GPD2: variants seen among roughly 807,000 people sequenced by gnomAD.
GPD2 encodes the protein glycerol-3-phosphate dehydrogenase 2.
In GPD2, 54 loss-of-function variants were observed where a neutral mutation model predicts 82.4. The ratio of observed to expected loss-of-function variants is 0.66; its 90% CI spans 0.53 to 0.82. The LOEUF is 0.82. Ranked by LOEUF, GPD2 falls within the 40% of genes least tolerant of loss-of-function variation. The probability of loss-of-function intolerance (pLI) is 0.00; values close to 1 mark genes in which losing one functional copy is unlikely to be tolerated. For missense variants in GPD2, 748 were observed against 896.2 expected (o/e 0.83, Z 2.11); for synonymous variants, 288 against 306.1 (o/e 0.94, Z 0.62).
At chr2:156,559,888 G>A (rs534633880) in intron 9 of GPD2, among the ~76,000 whole-genome samples, 2 of 152,034 alleles carry the variant, frequency 1.3e-5, no homozygotes, top group Admixed American at 1.3e-4. Flanking sequence ...TTGTGTTCTA[G>A]GAGGAGCTTC....
intron 6 of GPD2, among the ~76,000 whole-genome samples, chr2:156,529,952 G>C (rs1685781856): frequency 6.6e-6 from 1 of 152,064 alleles, no homozygotes; most frequent in Non-Finnish European, 1.5e-5. Context: ...GAACTTTAAA[G>C]TACTATTTTC....
At chr2:156,500,003 A>G (rs974314767) in intron 3 of GPD2, among the ~76,000 whole-genome samples, 6 of 152,082 alleles carry the variant, frequency 3.9e-5, no homozygotes, top group Non-Finnish European at 8.8e-5. Flanking sequence ...ATTAGCTAGT[A>G]TATTAGCAGA....
At position 156,493,958 on chromosome 2, in the gene GPD2, G is replaced by GTGTGTGTGTGTGTGTGTA. The variant is rs60643688; in HGVS notation, c.103-2085_103-2084insGTGTGTGTGTGTGTGTAT. 2.2e-3 allele frequency among the ~76,000 whole-genome samples: 320 copies of GTGTGTGTGTGTGTGTGTA among 143,502 alleles called. 2 individuals are homozygous for GTGTGTGTGTGTGTGTGTA. Among genetic ancestry groups the GTGTGTGTGTGTGTGTGTA allele is most frequent in the South Asian group, 4.8e-3 (21 of 4,344 alleles). The allele number at this position is 143,502 out of a possible 152,430, so 94.1% of individuals were successfully genotyped here. A position where few individuals can be genotyped will look rare whatever the true frequency, so the allele number is the denominator to read the frequency against. ...TGTGTGTGTGTGTGTGTGTGTGTGT[G>GTGTGTGTGTGTGTGTGTA]TATAATTTTTTTCCTCATTAGATGG... On this transcript the variant is annotated intron_variant, in intron 2 of 16. Coordinates refer to ENST00000438166, the MANE Select transcript of GPD2 (RefSeq NM_000408.5).
chr2:156,457,157 G>A (rs1682815225), intron 1 of GPD2, among the ~76,000 whole-genome samples: 1 of 152,136 alleles, frequency 6.6e-6, no homozygotes, highest in African/African-American at 2.4e-5. Flanking sequence ...GGTGTCCAGA[G>A]TTTGTGACAG....
chr2:156,509,784 T>TTTTTTTTTTA (rs1553471067), intron 3 of GPD2, among the ~76,000 whole-genome samples: 4 of 146,880 alleles, frequency 2.7e-5, no homozygotes, highest in African/African-American at 7.7e-5. Flanking sequence ...TTTTTTTTTT[T>TTTTTTTTTTA]ATTTCCTGAG....
At chr2:156,498,592 G>A (rs1488381009) in intron 3 of GPD2, among the ~76,000 whole-genome samples, 1 of 152,138 alleles carries the variant, frequency 6.6e-6, no homozygotes, top group African/African-American at 2.4e-5. Flanking sequence ...AGAGTGGAAA[G>A]GCAGGGCTGG....
At chr2:156,467,620 T>G (rs1683193116) in intron 1 of GPD2, among the ~76,000 whole-genome samples, 2 of 152,226 alleles carry the variant, frequency 1.3e-5, no homozygotes, top group African/African-American at 4.8e-5. Flanking sequence ...GTCTTCTGTT[T>G]TCTTAGGACT....
Position 156,584,523 on chromosome 2 carries a change from C to G in GPD2, c.*1605C>G, listed in dbSNP as rs893123716. ...CACTCACCTACGCACTCACCCACCACCTCTGAAAGAAACAGAAACTGCAGA... is the reference window on the plus strand; with the variant it reads ...CACTCACCTACGCACTCACCCACCAGCTCTGAAAGAAACAGAAACTGCAGA... On this transcript the variant is annotated 3_prime_UTR_variant, in exon 17 of 17. Coordinates refer to ENST00000438166, the MANE Select transcript of GPD2 (RefSeq NM_000408.5). 5 of 152,402 alleles carry G rather than the reference C, an allele frequency of 3.3e-5. No individual in the cohort carries two copies. The highest frequency in any genetic ancestry group is 1.2e-4 in the African/African-American group (5 of 41,402). The allele number at this position is 152,402 out of a possible 1,614,324, so 9.4% of individuals were successfully genotyped here. A position where few individuals can be genotyped will look rare whatever the true frequency, so the allele number is the denominator to read the frequency against.
chr2:156,513,569 A>G, intron 6 of GPD2, 73 bp downstream of exon 6: 1 of 1,190,270 alleles, frequency 8.4e-7, no homozygotes. Flanking sequence ...GTGTATTCTT[A>G]AGGAGATAGT....
chr2:156,492,147 C>CT (rs770947790), intron 2 of GPD2, among the ~76,000 whole-genome samples: 19,012 of 75,554 alleles, frequency 0.25, 4,284 homozygotes, highest in East Asian at 0.49. Context: ...CCCTCCCTAC[C>CT]TTTTTTTTTT....
intron 6 of GPD2, among the ~76,000 whole-genome samples, chr2:156,533,448 G>C (rs575811410): frequency 1.3e-5 from 2 of 152,224 alleles, no homozygotes; most frequent in African/African-American, 4.8e-5. Context: ...ACCAGCCTGC[G>C]TCTCACCATT....
At position 156,550,653 on chromosome 2, in the gene GPD2, TCACGGAC is replaced by T. The variant is rs1212400036; in HGVS notation, c.879_885del (p.Thr294LeufsTer23). 9 of 1,613,884 alleles carry T rather than the reference TCACGGAC, an allele frequency of 5.6e-6. No individual in the cohort carries two copies. Among genetic ancestry groups the T allele is most frequent in the Non-Finnish European group, 7.6e-6 (9 of 1,179,892 alleles). Reference sequence around the variant, plus strand: ...TGTGTTATCAATGCCACGGGACCTTTCACGGACTCTGTGCGCAAAATGGATGATAAAG... The same window carrying T: ...TGTGTTATCAATGCCACGGGACCTTTTCTGTGCGCAAAATGGATGATAAAG... On this transcript the variant is annotated frameshift_variant, in exon 8 of 17. Coordinates refer to ENST00000438166, the MANE Select transcript of GPD2 (RefSeq NM_000408.5). LOFTEE classifies it high-confidence loss of function.
At chr2:156,402,257 C>T in the GPD2 span, among the ~76,000 whole-genome samples, 149 of 152,194 alleles carry the variant, frequency 9.8e-4, 1 homozygote, top group Non-Finnish European at 1.8e-3. Context: ...TAAGAATAAT[C>T]GAATGGTGTT....
intron 6 of GPD2, among the ~76,000 whole-genome samples, chr2:156,541,824 G>GTGT (rs1553475231): frequency 9.8e-5 from 8 of 81,460 alleles, no homozygotes; most frequent in South Asian, 9.4e-4. Flanking sequence ...AATGCTGTTT[G>GTGT]TTTTTTTTTT....
chr2:156,411,597 G>A, the GPD2 span, among the ~76,000 whole-genome samples: 1 of 151,900 alleles, frequency 6.6e-6, no homozygotes, highest in African/African-American at 2.4e-5. Context: ...ATTGTAATCT[G>A]TATATACAGA....
the GPD2 span, among the ~76,000 whole-genome samples, chr2:156,403,163 G>C: frequency 6.9e-6 from 1 of 144,958 alleles, no homozygotes; most frequent in Non-Finnish European, 1.5e-5. Context: ...AAAGTCTTAT[G>C]TAAAACATTA....
intron 6 of GPD2, among the ~76,000 whole-genome samples, chr2:156,548,167 G>A (rs1472211184): frequency 6.6e-6 from 1 of 152,152 alleles, no homozygotes; most frequent in Non-Finnish European, 1.5e-5. Flanking sequence ...CTGTTTTCAT[G>A]CATTTAGTTT....
At chr2:156,541,834 T>TTG (rs1376136277) in intron 6 of GPD2, among the ~76,000 whole-genome samples, 2 of 145,010 alleles carry the variant, frequency 1.4e-5, no homozygotes, top group African/African-American at 5.1e-5. Flanking sequence ...GTTTTTTTTT[T>TTG]TTTTTTTTTT....
At chr2:156,449,025 C>T (rs1206637623) in intron 1 of GPD2, among the ~76,000 whole-genome samples, 1 of 152,178 alleles carries the variant, frequency 6.6e-6, no homozygotes, top group Non-Finnish European at 1.5e-5. Context: ...GTGGTCACAT[C>T]ATTGCATTCT....
Sources: gnomAD v4.1 joint callset for allele counts (sites outside exome capture counted in the v4.1 genomes callset) on GRCh38, gnomAD v4.1.1 for gene constraint, MANE v1.5 for transcripts, NCBI Gene and HGNC (gene_info 2026-07-23, HGNC 2026-07-21) for gene names.